MAB21L3: variants seen among roughly 807,000 people sequenced by gnomAD.
The protein encoded by MAB21L3 is protein mab-21-like 3.
A neutral mutation model predicts 37.7 loss-of-function variants in MAB21L3; 36 were observed. The observed-to-expected ratio is 0.96, with a 90% CI of 0.73 to 1.26. MAB21L3 has a LOEUF of 1.26. Among genes scored for constraint, MAB21L3 ranks in the 50% most tolerant of loss-of-function variants. MAB21L3 has a pLI of 0.00. For missense variants in MAB21L3, 430 were observed against 447.3 expected, an observed-to-expected ratio of 0.96 and a Z score of 0.35; for synonymous variants, 186 against 176.8, an observed-to-expected ratio of 1.05 and a Z score of -0.41.
chr1:116,126,784 C>T (rs1235772194), intron 5 of MAB21L3, among the ~76,000 whole-genome samples: 1 of 152,176 alleles, frequency 6.6e-6, no homozygotes, highest in Non-Finnish European at 1.5e-5. Context: ...AGAAGTTCCC[C>T]AACTTGCCAT....
rs1191601592 is a variant in MAB21L3, at chr1:116,135,007, A to G, written c.*1642A>G. Reference sequence around the variant, plus strand: ...TGAAAATGAAAATGATTACTTTTCAAAAGTACTGTAAACGGCAGGAAAGAT... The same window carrying G: ...TGAAAATGAAAATGATTACTTTTCAGAAGTACTGTAAACGGCAGGAAAGAT... On this transcript the variant is annotated 3_prime_UTR_variant, in exon 8 of 8. Coordinates refer to ENST00000369500, the MANE Select transcript of MAB21L3 (RefSeq NM_152367.3). 6.6e-6 allele frequency: 1 copy of G among 152,242 alleles called. No individual in the cohort carries two copies. The highest frequency in any genetic ancestry group is 1.5e-5 in the Non-Finnish European group (1 of 68,046). 9.4% of individuals were successfully genotyped at this position (152,242 alleles called of 1,614,324 possible). A position where few individuals can be genotyped will look rare whatever the true frequency, so the allele number is the denominator to read the frequency against.
Position 116,127,576 on chromosome 1 carries a change from T to A in MAB21L3, c.592T>A (p.Ser198Thr). The A allele has an allele frequency of 4.3e-6, 7 of 1,614,092 alleles. No homozygotes were observed. The highest frequency in any genetic ancestry group is 5.1e-6 in the Non-Finnish European group (6 of 1,180,008). ...VPAVEIPTTWSKKARWPRCLQ... is the reference protein window; with the variant it reads ...VPAVEIPTTWTKKARWPRCLQ... ...CGCAGTGGAGATCCCCACCACCTGG[T>A]CCAAGAAAGCCCGGTGGCCTCGATG... Residue 198 changes from serine to threonine, a missense_variant, in exon 6 of 8, where the codon TCC becomes ACC. By Grantham distance (58) the Ser-to-Thr change is moderately conservative. Transcript: ENST00000369500.
intron 3 of MAB21L3, among the ~76,000 whole-genome samples, chr1:116,114,604 C>T (rs1473202369): frequency 6.6e-6 from 1 of 152,196 alleles, no homozygotes; most frequent in Non-Finnish European, 1.5e-5. Flanking sequence ...AAATACTGTG[C>T]TACGGTTTGA....
At chr1:116,112,775 C>A in intron 3 of MAB21L3, 112 bp downstream of exon 3, 1 of 1,059,522 alleles carries the variant, frequency 9.4e-7, no homozygotes, top group South Asian at 1.3e-5. Flanking sequence ...ATAAAATGCT[C>A]CTCAGAAAAC....
At chr1:116,115,204 G>C (rs568717463) in intron 3 of MAB21L3, among the ~76,000 whole-genome samples, 62 of 152,152 alleles carry the variant, frequency 4.1e-4, no homozygotes, top group Non-Finnish European at 6.9e-4. Context: ...AAAATGCCTT[G>C]CACACAGGAA....
rs371893578 is a variant in MAB21L3 at position 116,124,117 on chromosome 1, G to A, written c.241G>A (p.Gly81Arg). The change falls in exon 5 of 8, where the codon GGG becomes AGG. Residue 81 changes from glycine (G) to arginine (R), a missense_variant. Coordinates refer to ENST00000369500, the MANE Select transcript of MAB21L3 (RefSeq NM_152367.3). ...LVTVPIKGLA[G>R]YREAREQHWR... ...CACAGTCCCAATAAAAGGCCTGGCC[G>A]GGTACAGGGAGGCCAGGGAGCAGCA... The A allele has an allele frequency of 3.6e-5, 58 of 1,613,526 alleles. No homozygotes were observed. The highest frequency in any genetic ancestry group is 3.3e-4 in the Middle Eastern group (2 of 6,078).
intron 3 of MAB21L3, among the ~76,000 whole-genome samples, chr1:116,120,226 A>C (rs1659702946): frequency 6.6e-6 from 1 of 152,100 alleles, no homozygotes; most frequent in Admixed American, 6.6e-5. Flanking sequence ...ACGTCAGAGG[A>C]GGAACATGGA....
In MAB21L3 at chr1:116,111,448, G is replaced by A. The variant is rs1338293754; in HGVS notation, c.-454G>A. ...CGCTGAGGCCCCAAATAGTGCAGTG[G>A]CCTTTGTGGGCAGCACTTACAGGTG... is the stretch of plus-strand genomic sequence containing the variant. On this transcript the variant is annotated 5_prime_UTR_variant, in exon 1 of 8. An upstream open reading frame in the 5' UTR gains an earlier in-frame stop. Coordinates refer to ENST00000369500, the MANE Select transcript of MAB21L3 (RefSeq NM_152367.3). 6.6e-6 allele frequency among the ~76,000 whole-genome samples: 1 copy of A among 152,104 alleles called. No individual in the cohort carries two copies. The highest frequency in any genetic ancestry group is 1.9e-4 in the East Asian group (1 of 5,194).
At position 116,133,552 on chromosome 1, in the gene MAB21L3, T is replaced by A; in HGVS notation, c.*187T>A. 1.6e-6 allele frequency: 1 copy of A among 615,510 alleles called. No homozygotes were observed. Among genetic ancestry groups the A allele is most frequent in the South Asian group, 2.0e-5 (1 of 50,490 alleles). The allele number at this position is 615,510 out of a possible 1,614,324, so 38.1% of individuals were successfully genotyped here. On this transcript the variant is annotated 3_prime_UTR_variant, in exon 8 of 8. Coordinates refer to ENST00000369500, the MANE Select transcript of MAB21L3 (RefSeq NM_152367.3). ...TGCCCCAGGATGTCTGGCCCAGGCC[T>A]CCCTGGAGCCCAGCAAGCATTTCTG...
In MAB21L3 at chr1:116,116,972, C is replaced by G. The variant is rs188718304; in HGVS notation, c.49-3960C>G. Among the ~76,000 whole-genome samples the G allele has an allele frequency of 4.6e-5, 7 of 152,060 alleles. No homozygotes were observed. In the East Asian group the frequency reaches 1.4e-3, roughly 29 times the overall value. Reference sequence around the variant, plus strand: ...AGAATTTCACCATCAAATGAGGGCACAATTTGTAGAATAGATTTACAATGA... The same window carrying G: ...AGAATTTCACCATCAAATGAGGGCAGAATTTGTAGAATAGATTTACAATGA... On this transcript the variant is annotated intron_variant, in intron 3 of 7. Transcript: ENST00000369500.
chr1:116,128,848 G>C (rs539496425), intron 7 of MAB21L3, among the ~76,000 whole-genome samples: 1 of 152,156 alleles, frequency 6.6e-6, no homozygotes, highest in Non-Finnish European at 1.5e-5. Context: ...TACCACACAC[G>C]TAGTGCCACA....
In MAB21L3 at chr1:116,133,191, C is replaced by G. The variant is rs376774656; in HGVS notation, c.915C>G (p.Ser305Arg). The G allele has an allele frequency of 4.1e-5, 66 of 1,614,092 alleles. No homozygotes were observed. The highest frequency in any genetic ancestry group is 3.3e-4 in the Middle Eastern group (2 of 6,084). Residue 305 changes from serine to arginine, a missense_variant, in exon 8 of 8, where the codon AGC (serine) becomes AGG (arginine). By Grantham distance (110) the Ser-to-Arg change is moderately radical (BLOSUM62 -1). Transcript: ENST00000369500. Reference sequence around the variant, plus strand: ...ACTTTAAAGACTGGCAGGTCTTCAGCAAAGCATTTCTGCGCCTGGTGAGGA... The same window carrying G: ...ACTTTAAAGACTGGCAGGTCTTCAGGAAAGCATTTCTGCGCCTGGTGAGGA... The part of the protein sequence containing the change: ...YPHFKDWQVF[S>R]KAFLRLVRKL...
chr1:116,112,387 T>G lies in MAB21L3; in HGVS notation c.-209-20T>G, dbSNP rs1241730941. The G allele has an allele frequency of 7.0e-6, 3 of 428,424 alleles. No individual in the cohort carries two copies. Among genetic ancestry groups the G allele is most frequent in the Non-Finnish European group, 1.3e-5 (3 of 237,184 alleles). 26.5% of individuals were successfully genotyped at this position (428,424 alleles called of 1,614,324 possible). On this transcript the variant is annotated intron_variant, in intron 2 of 7. Transcript: ENST00000369500. ...ATCAACTCTTCTTTTTAAATTCTTT[T>G]TTTTTTAATTTCCCAAAAGATGACA...
In MAB21L3 at chr1:116,124,166, GCAC is replaced by G; in HGVS notation, c.293_295del (p.Thr98del). 1 of 1,614,252 alleles carries G rather than the reference GCAC, an allele frequency of 6.2e-7. No individual in the cohort carries two copies. The highest frequency in any genetic ancestry group is 8.5e-7 in the Non-Finnish European group (1 of 1,180,048). ...CACTGGCGGTACTACACACTGCAGG[GCAC>G]CAGGCTGCCCTGCCCGTTGCGGGAC... On this transcript the variant is annotated inframe_deletion, in exon 5 of 8. Transcript: ENST00000369500.
In MAB21L3 at chr1:116,129,545, C is replaced by T. The variant is rs1450978294; in HGVS notation, c.855+1206C>T. ...TCACATACCTCTTCCTTCTCTCATT[C>T]GATGGACAAAACTGTCTTCCAGCCC... On this transcript the variant is annotated intron_variant, in intron 7 of 7. Coordinates refer to ENST00000369500, the MANE Select transcript of MAB21L3 (RefSeq NM_152367.3). Among the ~76,000 whole-genome samples, 7 of 152,190 alleles carry T rather than the reference C, an allele frequency of 4.6e-5. No individual in the cohort carries two copies. The East Asian group carries it at 7.7e-4, about 17-fold the overall frequency.
chr1:116,116,249 C>A lies in MAB21L3; in HGVS notation c.48+3586C>A, dbSNP rs78694776. 3.4e-3 allele frequency among the ~76,000 whole-genome samples: 523 copies of A among 152,228 alleles called. 2 individuals carry two copies. The highest frequency in any genetic ancestry group is 0.012 in the African/African-American group (506 of 41,536). On this transcript the variant is annotated intron_variant, in intron 3 of 7. Coordinates refer to ENST00000369500, the MANE Select transcript of MAB21L3 (RefSeq NM_152367.3). Reference sequence around the variant, plus strand: ...AGGTGTCTGGCACTAAGCCTGGAAACCCCCAGCACAAATCACTTCTGGGGC... The same window carrying A: ...AGGTGTCTGGCACTAAGCCTGGAAAACCCCAGCACAAATCACTTCTGGGGC...
At chr1:116,132,409 G>A (rs1000109836) in intron 7 of MAB21L3, among the ~76,000 whole-genome samples, 3 of 152,122 alleles carry the variant, frequency 2.0e-5, no homozygotes, top group African/African-American at 7.2e-5. Flanking sequence ...GTGGGCGAGA[G>A]AACCAGGTCT....
intron 3 of MAB21L3, among the ~76,000 whole-genome samples, chr1:116,117,063 T>G (rs1659606144): frequency 6.6e-6 from 1 of 151,168 alleles, no homozygotes; most frequent in Non-Finnish European, 1.5e-5. Flanking sequence ...TGTACATACA[T>G]ACACACATGC....
At chr1:116,129,332 C>T (rs1431635804) in intron 7 of MAB21L3, among the ~76,000 whole-genome samples, 1 of 152,206 alleles carries the variant, frequency 6.6e-6, no homozygotes, top group Non-Finnish European at 1.5e-5. Flanking sequence ...TCTCATGTAG[C>T]AGCTCTGTGC....
Sources: allele counts gnomAD v4.1 joint callset (sites outside exome capture counted in the v4.1 genomes callset), GRCh38; gene constraint gnomAD v4.1.1; transcripts MANE v1.5; gene names NCBI Gene and HGNC (gene_info 2026-07-23, HGNC 2026-07-21).